MOB4: variants seen among roughly 807,000 people sequenced by gnomAD.
The protein encoded by MOB4 is MOB family member 4, phocein, also known as MOB-like protein phocein.
MOB4 carries 4 observed loss-of-function variants against 32.2 expected under a neutral mutation model. The ratio of observed to expected loss-of-function variants is 0.12; its 90% CI spans 0.06 to 0.28. MOB4 has a LOEUF of 0.28. MOB4 is among the 10% of genes least tolerant of loss of function. The pLI is 1.00. For synonymous variants in MOB4, 88 were observed against 88.1 expected, an observed-to-expected ratio of 1.00 and a Z score of 0.01; for missense variants, 158 against 271.2, an observed-to-expected ratio of 0.58 and a Z score of 2.93.
intron 1 of MOB4, among the ~76,000 whole-genome samples, chr2:197,520,361 G>A (rs1484036477): frequency 6.6e-6 from 1 of 151,824 alleles, no homozygotes; most frequent in African/African-American, 2.4e-5. Flanking sequence ...GGATGGTCTC[G>A]ATCTGCTGAC....
At chr2:197,532,090 G>A (rs560235697) in intron 2 of MOB4, among the ~76,000 whole-genome samples, 9 of 149,298 alleles carry the variant, frequency 6.0e-5, no homozygotes, top group African/African-American at 2.2e-4. Flanking sequence ...TGTATTTTTA[G>A]TAGAGATGGT....
At chr2:197,545,973 G>A (rs2086985963) in intron 5 of MOB4, among the ~76,000 whole-genome samples, 1 of 152,068 alleles carries the variant, frequency 6.6e-6, no homozygotes, top group African/African-American at 2.4e-5. Context: ...TCAATTACCT[G>A]CTGAAATGGT....
intron 5 of MOB4, among the ~76,000 whole-genome samples, chr2:197,540,990 C>T (rs1164592355): frequency 6.6e-6 from 1 of 151,310 alleles, no homozygotes; most frequent in Non-Finnish European, 1.5e-5. Context: ...CAACCTCTGT[C>T]TCCGGATTCA....
chr2:197,547,442 A>T (rs535753934), intron 5 of MOB4, among the ~76,000 whole-genome samples: 5 of 152,216 alleles, frequency 3.3e-5, no homozygotes, highest in Non-Finnish European at 4.4e-5. Flanking sequence ...TTTTCAATAA[A>T]TATTGCTCAT....
At position 197,516,128 on chromosome 2, in the gene MOB4, G is replaced by A; in HGVS notation, c.42G>A (p.Arg14=). ...AEGTAVLRRN[R]PGTKAQDFYN... ...GGACGGCAGTGCTGAGGCGGAACAG[G>A]CCGGGCACCAAGGCGCAGGTACCAT... The change falls in exon 1 of 8, where the codon AGG becomes AGA. Residue 14 remains arginine, a synonymous_variant. Transcript: ENST00000323303. 1 of 1,604,614 alleles carries A rather than the reference G, an allele frequency of 6.2e-7. No individual in the cohort carries two copies. The highest frequency in any genetic ancestry group is 8.5e-7 in the Non-Finnish European group (1 of 1,176,614).
At chr2:197,525,631 G>C (rs576082847) in intron 2 of MOB4, among the ~76,000 whole-genome samples, 1 of 151,372 alleles carries the variant, frequency 6.6e-6, no homozygotes, top group South Asian at 2.1e-4. Flanking sequence ...TACTTAGGAG[G>C]CTGAGGTGGG....
intron 2 of MOB4, among the ~76,000 whole-genome samples, chr2:197,532,626 C>T (rs1355173305): frequency 2.0e-5 from 3 of 151,950 alleles, no homozygotes; most frequent in African/African-American, 7.3e-5. Flanking sequence ...GCAGAGGTTG[C>T]AGTGAGCCGA....
At chr2:197,548,541 G>A in intron 6 of MOB4, 126 bp downstream of exon 6, 1 of 557,398 alleles carries the variant, frequency 1.8e-6, no homozygotes, top group South Asian at 2.0e-5. Context: ...GAGTTAATGG[G>A]TGCAGCACAC....
chr2:197,521,789 C>G (rs1162279559), intron 1 of MOB4, among the ~76,000 whole-genome samples: 1 of 152,222 alleles, frequency 6.6e-6, no homozygotes. Context: ...AAGGTTATCT[C>G]TCTTATTCCC....
intron 2 of MOB4, among the ~76,000 whole-genome samples, chr2:197,528,897 G>A (rs1390454986): frequency 3.9e-5 from 6 of 151,970 alleles, no homozygotes; most frequent in South Asian, 2.1e-4. Flanking sequence ...GATTACAGGC[G>A]TGAGCCACCG....
intron 3 of MOB4, among the ~76,000 whole-genome samples, chr2:197,537,470 G>A (rs749523159): frequency 1.2e-4 from 19 of 152,126 alleles, no homozygotes; most frequent in Non-Finnish European, 2.1e-4. Context: ...GCCTCAACTT[G>A]TAGACAAGGC....
chr2:197,532,149 T>C (rs891043239), intron 2 of MOB4, among the ~76,000 whole-genome samples: 4 of 152,126 alleles, frequency 2.6e-5, no homozygotes, highest in Non-Finnish European at 5.9e-5. Context: ...CCTCAGGTGA[T>C]CTGCCCGCCT....
At chr2:197,540,195 A>AT (rs566383635) in intron 4 of MOB4, 42 bp downstream of exon 4, 637 of 1,576,708 alleles carry the variant, frequency 4.0e-4, no homozygotes, top group South Asian at 7.0e-4. Context: ...GAAAGTTCTG[A>AT]TTTTTTTTTC....
chr2:197,531,922 C>CT (rs886666881), intron 2 of MOB4, among the ~76,000 whole-genome samples: 4 of 151,048 alleles, frequency 2.6e-5, no homozygotes, highest in South Asian at 2.1e-4. Context: ...AACAAAATGA[C>CT]TTTTTTTTTG....
rs1574648678 is a variant in MOB4, at chr2:197,541,528, A to C, written c.354+1091A>C. On this transcript the variant is annotated intron_variant, in intron 5 of 7. Coordinates refer to ENST00000323303, the MANE Select transcript of MOB4 (RefSeq NM_015387.5). Reference sequence around the variant, plus strand: ...TCAAAAAGGACAAATGCTCCAAAATAAGGAGTATTTGATACCTAAGAGAAT... The same window carrying C: ...TCAAAAAGGACAAATGCTCCAAAATCAGGAGTATTTGATACCTAAGAGAAT... Among the ~76,000 whole-genome samples, 5 of 152,338 alleles carry C rather than the reference A, an allele frequency of 3.3e-5. No homozygotes were observed. In the South Asian group the frequency reaches 8.3e-4, roughly 25 times the overall value.
At chr2:197,546,747 T>G (rs898085025) in intron 5 of MOB4, among the ~76,000 whole-genome samples, 11 of 152,138 alleles carry the variant, frequency 7.2e-5, no homozygotes, top group African/African-American at 2.7e-4. Context: ...CAGTTGACCC[T>G]TGAACAACTC....
chr2:197,516,687 C>T (rs1357566970), intron 1 of MOB4: 3 of 471,582 alleles, frequency 6.4e-6, no homozygotes, highest in Non-Finnish European at 1.3e-5. Flanking sequence ...GACCACCTCT[C>T]CCTGCCGCTT....
At chr2:197,534,197 A>G (rs1486433183) in intron 2 of MOB4, among the ~76,000 whole-genome samples, 1 of 152,240 alleles carries the variant, frequency 6.6e-6, no homozygotes, top group African/African-American at 2.4e-5. Flanking sequence ...TATTCAAGAA[A>G]GATTGTCTGA....
Position 197,550,319 on chromosome 2 carries a change from G to C in MOB4, c.479G>C (p.Cys160Ser), listed in dbSNP as rs2087076436. ...ESSVAKLGSV[C>S]RRIYRIFSHA... Reference sequence around the variant, plus strand: ...TCTGTAGCGAAACTAGGATCAGTATGCCGTAGGATTTACAGAATATTTTCA... The same window carrying C: ...TCTGTAGCGAAACTAGGATCAGTATCCCGTAGGATTTACAGAATATTTTCA... Residue 160 changes from cysteine to serine, a missense_variant, in exon 7 of 8, where the codon TGC becomes TCC. Around this residue, in one of 6 missense-constraint regions of MOB4, gnomAD observed 4 missense variants for 27.3 expected, o/e 0.15. Coordinates refer to ENST00000323303, the MANE Select transcript of MOB4 (RefSeq NM_015387.5). 6.2e-7 allele frequency: 1 copy of C among 1,613,628 alleles called. No individual in the cohort carries two copies. The highest frequency in any genetic ancestry group is 1.7e-5 in the Admixed American group (1 of 59,982).
Sources: allele counts gnomAD v4.1 joint callset (sites outside exome capture counted in the v4.1 genomes callset), GRCh38; gene constraint gnomAD v4.1.1; regional missense constraint gnomAD v4.1.1; transcripts MANE v1.5; gene names NCBI Gene and HGNC (gene_info 2026-07-23, HGNC 2026-07-21).